The following SURF4 variants were observed in gnomAD, a reference collection of about 807,000 sequenced individuals.
SURF4 encodes the protein surfeit locus protein 4.
SURF4 carries 3 observed loss-of-function variants against 30.0 expected under a neutral mutation model. The ratio of observed to expected loss-of-function variants is 0.10; its 90% CI spans 0.05 to 0.26. The LOEUF (loss-of-function observed/expected upper bound fraction) is 0.26, where lower values mean the gene tolerates loss of function less well. Ranked by LOEUF, SURF4 falls within the 10% of genes least tolerant of loss-of-function variation. SURF4 has a pLI of 1.00. For missense variants in SURF4, 217 were observed against 350.8 expected (o/e 0.62, Z 3.05); for synonymous variants, 143 against 139.9 (o/e 1.02, Z -0.16).
upstream of SURF4, among the ~76,000 whole-genome samples, chr9:133,377,085 G>C (rs1837991647): frequency 6.6e-6 from 1 of 152,190 alleles, no homozygotes; most frequent in South Asian, 2.1e-4. Flanking sequence ...CATTCGCTTG[G>C]AAACAGTTTG....
intron 1 of SURF4, 35 bp downstream of exon 1, chr9:133,375,887 G>C: frequency 8.2e-7 from 1 of 1,220,526 alleles, no homozygotes; most frequent in Non-Finnish European, 1.0e-6. Flanking sequence ...GCCTGGGTCG[G>C]GACCGGGGCC....
Position 133,363,322 on chromosome 9 carries a change from A to T in SURF4, c.*171T>A, listed in dbSNP as rs1441068039. ...CAGACTGTGGCTCCAGAGCAGACTGAGCCATCGATTCTCAGGTGTCTCTGC... is the reference window on the plus strand; with the variant it reads ...CAGACTGTGGCTCCAGAGCAGACTGTGCCATCGATTCTCAGGTGTCTCTGC... On this transcript the variant is annotated 3_prime_UTR_variant, in exon 6 of 6. Transcript: ENST00000371989. This position sits in a 1 kb window ranked among gnomAD's most constrained non-coding sequence, Gnocchi z 4.3. 1.8e-6 allele frequency: 2 copies of T among 1,109,484 alleles called. No homozygotes were observed. Among genetic ancestry groups the T allele is most frequent in the Admixed American group, 2.0e-5 (1 of 50,440 alleles). 68.7% of individuals were successfully genotyped at this position (1,109,484 alleles called of 1,614,324 possible).
chr9:133,371,540 A>C (rs1238573291), intron 1 of SURF4, among the ~76,000 whole-genome samples: 1 of 152,190 alleles, frequency 6.6e-6, no homozygotes, highest in Non-Finnish European at 1.5e-5. Context: ...ACTGGGCCCC[A>C]TGTTCTGGGA....
At chr9:133,376,471 A>G (rs1368885191), upstream of SURF4, 5 of 1,584,734 alleles carry the variant, frequency 3.2e-6, no homozygotes, top group Non-Finnish European at 2.6e-6. Context: ...GTCGCTACTG[A>G]TCATGCTTGG....
intron 1 of SURF4, chr9:133,370,769 T>C (rs1837458051): frequency 7.0e-6 from 6 of 862,820 alleles, no homozygotes; most frequent in Middle Eastern, 3.0e-4. Flanking sequence ...GGCGAGCACA[T>C]AAAACTTGTG....
Position 133,363,252 on chromosome 9 carries a change from G to T in SURF4, c.*241C>A, listed in dbSNP as rs1052924705. 1.5e-4 allele frequency: 107 copies of T among 705,506 alleles called. 1 individual carries two copies. The highest frequency in any genetic ancestry group is 8.2e-5 in the Non-Finnish European group (33 of 401,126). The allele number at this position is 705,506 out of a possible 1,614,324, so 43.7% of individuals were successfully genotyped here. ...TTCACTCCAAAGCCTCGGCGTGGGG[G>T]AGGCTTCCAGCTGCCAGGCTGGCCT... On this transcript the variant is annotated 3_prime_UTR_variant, in exon 6 of 6. Transcript: ENST00000371989. This position sits in a 1 kb window ranked among gnomAD's most constrained non-coding sequence, Gnocchi z 4.3.
chr9:133,373,014 C>A (rs1837596514), intron 1 of SURF4, among the ~76,000 whole-genome samples: 1 of 152,114 alleles, frequency 6.6e-6, no homozygotes. Flanking sequence ...GCCTGCGCTG[C>A]CTTACAGATA....
Position 133,376,047 on chromosome 9 carries a change from C to T in SURF4, c.-78G>A. ...CCGTCGGCGCCCGCACCCGCTGCGG[C>T]CTCCACAGGAAGTGCCCGGCGGCCG... On this transcript the variant is annotated 5_prime_UTR_variant, in exon 1 of 6. Transcript: ENST00000371989. 2.5e-6 allele frequency: 3 copies of T among 1,211,920 alleles called. No individual in the cohort carries two copies. Among genetic ancestry groups the T allele is most frequent in the Non-Finnish European group, 3.1e-6 (3 of 974,422 alleles). 75.1% of individuals were successfully genotyped at this position (1,211,920 alleles called of 1,614,324 possible).
intron 3 of SURF4, 114 bp from the exon 4 acceptor site, chr9:133,366,142 A>C: frequency 9.3e-7 from 1 of 1,070,692 alleles, no homozygotes. Flanking sequence ...TAAAACACAC[A>C]AAACCATTGT....
At chr9:133,376,272 C>G, upstream of SURF4, 2 of 1,307,112 alleles carry the variant, frequency 1.5e-6, no homozygotes, top group Non-Finnish European at 9.7e-7. Flanking sequence ...CCGCCGCGCG[C>G]AGGCCCTGCG....
rs1588728053 is a variant in SURF4, at chr9:133,375,949, C to T, written c.21G>A (p.Met7Ile). Reference protein sequence around the residue: MGQNDLMGTAEDFADQF... With the variant: MGQNDLIGTAEDFADQF... The stretch of plus-strand genomic sequence containing the variant: ...GGTCGGCGAAGTCCTCGGCCGTGCC[C>T]ATCAGGTCGTTCTGGCCCATGGCGA... The change falls in exon 1 of 6, where the codon ATG becomes ATA. Residue 7 changes from methionine (M) to isoleucine (I), a missense_variant. Transcript: ENST00000371989. 8.1e-7 allele frequency: 1 copy of T among 1,234,842 alleles called. No individual in the cohort carries two copies. The highest frequency in any genetic ancestry group is 3.3e-5 in the East Asian group (1 of 30,690). The allele number at this position is 1,234,842 out of a possible 1,614,324, so 76.5% of individuals were successfully genotyped here.
In SURF4 at chr9:133,367,389, G is replaced by A; in HGVS notation, c.105C>T (p.Ser35=). ...LPHVARLCLI[S]TFLEDGIRMW... The stretch of plus-strand genomic sequence containing the variant: ...TACGGATGCCGTCCTCCAGGAAGGT[G>A]CTGATCAGACAGAGGCGCGCCACGT... The change falls in exon 2 of 6, where the codon AGC becomes AGT. Residue 35 remains serine, a synonymous_variant. Coordinates refer to ENST00000371989, the MANE Select transcript of SURF4 (RefSeq NM_033161.4). 6.2e-7 allele frequency: 1 copy of A among 1,614,182 alleles called. No homozygotes were observed. Among genetic ancestry groups the A allele is most frequent in the Non-Finnish European group, 8.5e-7 (1 of 1,180,052 alleles).
upstream of SURF4, among the ~76,000 whole-genome samples, chr9:133,377,081 C>G (rs2130252742): frequency 3.0e-4 from 45 of 152,304 alleles, no homozygotes; most frequent in South Asian, 1.2e-3. Context: ...AATGCATTCG[C>G]TTGGAAACAG....
chr9:133,372,300 C>T (rs950667061), intron 1 of SURF4, among the ~76,000 whole-genome samples: 1 of 152,222 alleles, frequency 6.6e-6, no homozygotes. Context: ...CCAGACTGCT[C>T]GTCCCCGTGG....
intron 1 of SURF4, chr9:133,367,657 A>G: frequency 7.4e-7 from 1 of 1,353,810 alleles, no homozygotes; most frequent in South Asian, 1.5e-5. Flanking sequence ...GCAACAATCC[A>G]AGGATCAGTC....
At position 133,363,404 on chromosome 9, in the gene SURF4, A is replaced by G. The variant is rs1836946490; in HGVS notation, c.*89T>C. ...CCAAGGGAGGGGAAGGGAAGAGGAT[A>G]CATAAAAGCTGGCAGTTTTGTTGAA... On this transcript the variant is annotated 3_prime_UTR_variant, in exon 6 of 6. Transcript: ENST00000371989. This position sits in a 1 kb window ranked among gnomAD's most constrained non-coding sequence, Gnocchi z 4.3. The G allele has an allele frequency of 6.3e-7, 1 of 1,596,870 alleles. No individual in the cohort carries two copies. Among genetic ancestry groups the G allele is most frequent in the Non-Finnish European group, 8.6e-7 (1 of 1,165,748 alleles).
intron 1 of SURF4, among the ~76,000 whole-genome samples, chr9:133,370,451 C>T (rs1837438661): frequency 6.6e-6 from 1 of 152,208 alleles, no homozygotes; most frequent in Non-Finnish European, 1.5e-5. Context: ...ATGCAGTCTC[C>T]TCTAAACTGG....
chr9:133,364,764 G>A, intron 5 of SURF4, 76 bp downstream of exon 5: 1 of 1,466,814 alleles, frequency 6.8e-7, no homozygotes, highest in Non-Finnish European at 9.4e-7. Flanking sequence ...ACCAGGGAGG[G>A]GTGAGCAGGG....
At position 133,363,481 on chromosome 9, in the gene SURF4, G is replaced by A. The variant is rs2130087253; in HGVS notation, c.*12C>T. The A allele has an allele frequency of 2.5e-6, 4 of 1,614,108 alleles. No individual in the cohort carries two copies. The African/African-American group carries it at 5.3e-5, about 22-fold the overall frequency. Reference sequence around the variant, plus strand: ...CACGGGTCTTAGCCAGGCAGGTAGGGATCTGTGACTGTTACCACTCCTTCT... The same window carrying A: ...CACGGGTCTTAGCCAGGCAGGTAGGAATCTGTGACTGTTACCACTCCTTCT... On this transcript the variant is annotated 3_prime_UTR_variant, in exon 6 of 6. Transcript: ENST00000371989. This position sits in a 1 kb window ranked among gnomAD's most constrained non-coding sequence, Gnocchi z 4.3.
Sources: gnomAD v4.1 joint callset for allele counts (sites outside exome capture counted in the v4.1 genomes callset) on GRCh38, gnomAD v4.1.1 for gene constraint, Gnocchi (gnomAD v3.1) non-coding constraint, MANE v1.5 for transcripts, NCBI Gene and HGNC (gene_info 2026-07-23, HGNC 2026-07-21) for gene names.